The following FSIP1 variants were observed in gnomAD, a reference collection of about 807,000 sequenced individuals.
FSIP1 encodes fibrous sheath-interacting protein 1.
FSIP1 carries 65 observed loss-of-function variants against 60.9 expected under a neutral mutation model. The ratio of observed to expected loss-of-function variants is 1.07; its 90% CI spans 0.87 to 1.31. The LOEUF (loss-of-function observed/expected upper bound fraction) is 1.31, where lower values mean the gene tolerates loss of function less well. Ranked by LOEUF, FSIP1 falls within the 40% of genes most tolerant of loss-of-function variation. The pLI is 0.00. For missense variants in FSIP1, 675 were observed against 665.5 expected, an observed-to-expected ratio of 1.01 and a Z score of -0.16; for synonymous variants, 209 against 221.2, an observed-to-expected ratio of 0.94 and a Z score of 0.49.
At chr15:39,765,241 C>CTTTTT (rs71132116) in intron 4 of FSIP1, among the ~76,000 whole-genome samples, 195 of 115,022 alleles carry the variant, frequency 1.7e-3, no homozygotes, top group Non-Finnish European at 2.3e-3. Context: ...GAAATTCTTT[C>CTTTTT]TTTTTTTTTT....
intron 11 of FSIP1, among the ~76,000 whole-genome samples, chr15:39,607,882 T>C (rs1890884477): frequency 6.6e-6 from 1 of 152,236 alleles, no homozygotes; most frequent in African/African-American, 2.4e-5. Context: ...ATCTATTTCC[T>C]GAGAAGGAGG....
At chr15:39,778,651 T>C (rs940305350) in intron 1 of FSIP1, among the ~76,000 whole-genome samples, 2 of 152,220 alleles carry the variant, frequency 1.3e-5, no homozygotes, top group African/African-American at 4.8e-5. Flanking sequence ...TATAATTACG[T>C]AAGCATTGAA....
intron 10 of FSIP1, among the ~76,000 whole-genome samples, chr15:39,630,695 G>T (rs1333178462): frequency 6.6e-6 from 1 of 152,126 alleles, no homozygotes; most frequent in Non-Finnish European, 1.5e-5. Flanking sequence ...ATGGTCCAGG[G>T]CCCAGAACTA....
intron 5 of FSIP1, among the ~76,000 whole-genome samples, chr15:39,750,284 A>G (rs1897125355): frequency 6.6e-6 from 1 of 151,998 alleles, no homozygotes; most frequent in African/African-American, 2.4e-5. Flanking sequence ...TCACAGCAAT[A>G]GAAGTCCTAA....
At chr15:39,772,705 C>G (rs886163787) in intron 2 of FSIP1, among the ~76,000 whole-genome samples, 5 of 152,056 alleles carry the variant, frequency 3.3e-5, no homozygotes, top group Non-Finnish European at 7.4e-5. Flanking sequence ...ATTCTTCTGC[C>G]TCAGCCTCCC....
At chr15:39,738,366 T>C (rs1409479017) in intron 7 of FSIP1, among the ~76,000 whole-genome samples, 165 bp from the exon 8 acceptor site, 1 of 150,262 alleles carries the variant, frequency 6.7e-6, no homozygotes, top group Non-Finnish European at 1.5e-5. Context: ...AAAATTTTTA[T>C]ATAGGGCCAT....
At chr15:39,723,056 C>T (rs1896046091) in intron 9 of FSIP1, among the ~76,000 whole-genome samples, 1 of 152,130 alleles carries the variant, frequency 6.6e-6, no homozygotes, top group African/African-American at 2.4e-5. Context: ...ACATAATTGG[C>T]TGAGATCTGT....
At chr15:39,708,118 G>A (rs961273869) in intron 10 of FSIP1, among the ~76,000 whole-genome samples, 1 of 152,168 alleles carries the variant, frequency 6.6e-6, no homozygotes, top group Non-Finnish European at 1.5e-5. Context: ...CTCCATACAA[G>A]TAGTTAACCT....
At chr15:39,773,865 G>A (rs924232555) in intron 2 of FSIP1, among the ~76,000 whole-genome samples, 11 of 152,186 alleles carry the variant, frequency 7.2e-5, no homozygotes, top group Admixed American at 5.9e-4. Context: ...AGGGTGACAT[G>A]GGATTATCTG....
intron 9 of FSIP1, among the ~76,000 whole-genome samples, chr15:39,718,689 G>C (rs1895843669): frequency 6.6e-6 from 1 of 151,670 alleles, no homozygotes; most frequent in South Asian, 2.1e-4. Flanking sequence ...GAAGAAATGG[G>C]TTTCACTATG....
chr15:39,756,816 T>C (rs1218702463), intron 5 of FSIP1, among the ~76,000 whole-genome samples: 1 of 152,118 alleles, frequency 6.6e-6, no homozygotes, highest in Non-Finnish European at 1.5e-5. Context: ...TTAAAATGAT[T>C]CTCTCTGAAT....
chr15:39,680,753 A>T (rs954496827), intron 10 of FSIP1, among the ~76,000 whole-genome samples: 1 of 152,198 alleles, frequency 6.6e-6, no homozygotes, highest in Non-Finnish European at 1.5e-5. Flanking sequence ...TATAAATAAC[A>T]ATTATTAGTC....
At chr15:39,645,385 C>G (rs77181909) in intron 10 of FSIP1, among the ~76,000 whole-genome samples, 1 of 152,180 alleles carries the variant, frequency 6.6e-6, no homozygotes, top group East Asian at 1.9e-4. Flanking sequence ...TCTGCAGCCA[C>G]CCAAACTGCA....
intron 10 of FSIP1, among the ~76,000 whole-genome samples, chr15:39,680,964 C>G (rs1439496849): frequency 6.6e-6 from 1 of 152,176 alleles, no homozygotes; most frequent in Admixed American, 6.5e-5. Flanking sequence ...ATAGGCCTAT[C>G]TGATGCTGAT....
At chr15:39,701,946 A>C (rs1398804566) in intron 10 of FSIP1, among the ~76,000 whole-genome samples, 1 of 152,214 alleles carries the variant, frequency 6.6e-6, no homozygotes, top group Non-Finnish European at 1.5e-5. Flanking sequence ...TCCTTCTACC[A>C]GGAGCTGGGA....
At chr15:39,769,732 C>T (rs1483595383) in intron 3 of FSIP1, among the ~76,000 whole-genome samples, 1 of 152,122 alleles carries the variant, frequency 6.6e-6, no homozygotes, top group Non-Finnish European at 1.5e-5. Flanking sequence ...ATGTCTTTTT[C>T]CTGCCAGTGC....
intron 9 of FSIP1, among the ~76,000 whole-genome samples, chr15:39,719,236 G>A (rs1212049340): frequency 2.0e-5 from 3 of 152,124 alleles, no homozygotes; most frequent in East Asian, 1.9e-4. Flanking sequence ...ATCTGTCCTC[G>A]TGATCATCAG....
intron 10 of FSIP1, among the ~76,000 whole-genome samples, chr15:39,681,646 T>C (rs1894168189): frequency 6.6e-6 from 1 of 152,038 alleles, no homozygotes; most frequent in African/African-American, 2.4e-5. Context: ...AACTACAGTA[T>C]AACACAGAAG....
chr15:39,635,272 T>C (rs1367716921), intron 10 of FSIP1, among the ~76,000 whole-genome samples: 1 of 151,718 alleles, frequency 6.6e-6, no homozygotes, highest in Non-Finnish European at 1.5e-5. Context: ...GAGTCGGAGG[T>C]TGCAGTGAGC....
Sources: allele counts gnomAD v4.1 joint callset (sites outside exome capture counted in the v4.1 genomes callset), GRCh38; gene constraint gnomAD v4.1.1; transcripts MANE v1.5; gene names NCBI Gene and HGNC (gene_info 2026-07-23, HGNC 2026-07-21).